The following GRB2 variants were observed in gnomAD, a reference collection of about 807,000 sequenced individuals.
GRB2 encodes growth factor receptor-bound protein 2.
Under a neutral mutation model 27.4 loss-of-function variants are expected in GRB2, and 2 were observed. That is an observed-to-expected ratio of 0.07 (90% confidence interval 0.03 to 0.23). The LOEUF is 0.23. Ranked by LOEUF, GRB2 falls within the 10% of genes least tolerant of loss-of-function variation. The probability of loss-of-function intolerance (pLI) is 1.00; values close to 1 mark genes in which losing one functional copy is unlikely to be tolerated. For synonymous variants in GRB2, 94 were observed against 99.6 expected, an observed-to-expected ratio of 0.94 and a Z score of 0.33; for missense variants, 102 against 282.4, an observed-to-expected ratio of 0.36 and a Z score of 4.58.
chr17:75,387,769 G>A (rs897015181), intron 2 of GRB2: 1 of 151,738 alleles, frequency 6.6e-6, no homozygotes, highest in Admixed American at 6.6e-5. Flanking sequence ...TTGCACTCCA[G>A]CCTGGGCGAC....
chr17:75,379,332 T>C (rs2078913046), intron 2 of GRB2, among the ~76,000 whole-genome samples: 1 of 151,980 alleles, frequency 6.6e-6, no homozygotes, highest in African/African-American at 2.4e-5. Context: ...ATTTATTTTA[T>C]GCTTTTTCTA....
chr17:75,348,713 T>A lies in GRB2; in HGVS notation c.79-15916A>T, dbSNP rs2078669940. Among the ~76,000 whole-genome samples, 3 of 152,280 alleles carry A rather than the reference T, an allele frequency of 2.0e-5. No homozygotes were observed. In the South Asian group the frequency reaches 6.2e-4, roughly 32 times the overall value. ...TTTTAGAGACAGGGTCTTACTCTGT[T>A]ACCCAGGCTAGACAATGCAGTGGCA... On this transcript the variant is annotated intron_variant, in intron 2 of 5. Transcript: ENST00000316804.
chr17:75,324,218 G>A (rs2078480144), intron 4 of GRB2, among the ~76,000 whole-genome samples: 1 of 139,320 alleles, frequency 7.2e-6, no homozygotes, highest in Non-Finnish European at 1.6e-5. Flanking sequence ...TTTGTTTTGG[G>A]AGACACAGTC....
intron 2 of GRB2, chr17:75,371,034 G>C (rs929229266): frequency 1.1e-4 from 16 of 152,314 alleles, no homozygotes; most frequent in African/African-American, 3.9e-4. Context: ...GTGAGGCCAA[G>C]TGTGGTGGCC....
At chr17:75,371,162 A>T (rs1257380785) in intron 2 of GRB2, 1 of 152,174 alleles carries the variant, frequency 6.6e-6, no homozygotes, top group East Asian at 1.9e-4. Context: ...TAAAACATAA[A>T]AATAAAAAAT....
intron 2 of GRB2, among the ~76,000 whole-genome samples, chr17:75,358,898 A>T (rs796884714): frequency 0.094 from 2,651 of 28,140 alleles, 73 homozygotes; most frequent in South Asian, 0.22. Flanking sequence ...AAAAAAAAAA[A>T]TTATATATAT....
intron 4 of GRB2, among the ~76,000 whole-genome samples, chr17:75,323,966 C>G (rs941224438): frequency 4.6e-5 from 7 of 151,928 alleles, no homozygotes; most frequent in African/African-American, 1.7e-4. Context: ...TGTGCCACCA[C>G]GCCTGGCTAA....
chr17:75,337,516 G>T (rs2078585666), intron 2 of GRB2, among the ~76,000 whole-genome samples: 1 of 151,916 alleles, frequency 6.6e-6, no homozygotes, highest in African/African-American at 2.4e-5. Context: ...ATTTGCTGTG[G>T]CTTTAGGTGA....
At chr17:75,393,384 A>G (rs761895868) in intron 2 of GRB2, 167 bp downstream of exon 2, 8 of 647,232 alleles carry the variant, frequency 1.2e-5, no homozygotes, top group Middle Eastern at 3.0e-4. Flanking sequence ...CACTTAAGTC[A>G]TATTTAATAT....
chr17:75,336,481 G>A (rs2078577667), intron 2 of GRB2, among the ~76,000 whole-genome samples: 1 of 152,074 alleles, frequency 6.6e-6, no homozygotes, highest in Admixed American at 6.6e-5. Flanking sequence ...CAATAACTTT[G>A]CAGAAAAAGA....
intron 2 of GRB2, among the ~76,000 whole-genome samples, chr17:75,384,050 C>T (rs2078946911): frequency 6.6e-6 from 1 of 152,142 alleles, no homozygotes; most frequent in Non-Finnish European, 1.5e-5. Flanking sequence ...GCAGGTCTCG[C>T]CTAGAGCCAG....
chr17:75,352,873 TG>T lies in GRB2; in HGVS notation c.79-20077del, dbSNP rs146677261. 6.3e-3 allele frequency among the ~76,000 whole-genome samples: 643 copies of T among 102,418 alleles called. 9 individuals carry two copies. Among genetic ancestry groups the T allele is most frequent in the Middle Eastern group, 9.9e-3 (2 of 202 alleles). 67.2% of individuals were successfully genotyped at this position (102,418 alleles called of 152,430 possible). ...CGTTCTCTGGGAGAAAAAGTTAACT[TG>T]TTTTTTTTTTTTTTTTAAAAGACAT... On this transcript the variant is annotated intron_variant, in intron 2 of 5. Coordinates refer to ENST00000316804, the MANE Select transcript of GRB2 (RefSeq NM_002086.5).
rs1404497482 is a variant in GRB2, at chr17:75,320,214, C to G, written c.*154G>C. On this transcript the variant is annotated 3_prime_UTR_variant, in exon 6 of 6. Transcript: ENST00000316804. The surrounding 1 kb of genome is among the most constrained non-coding windows in gnomAD (Gnocchi z 4.3). The stretch of plus-strand genomic sequence containing the variant: ...TTAAATCCAACGCCCCCTCCCACCC[C>G]CTAAAGTTCCAACCAAAGTGAGAGG... The G allele has an allele frequency of 8.3e-6, 5 of 605,832 alleles. No individual in the cohort carries two copies. The highest frequency in any genetic ancestry group is 1.8e-5 in the African/African-American group (1 of 55,246). 37.5% of individuals were successfully genotyped at this position (605,832 alleles called of 1,614,324 possible).
Position 75,318,334 on chromosome 17 carries a change from G to C in GRB2, c.*2034C>G, listed in dbSNP as rs1406520185. The C allele has an allele frequency of 6.6e-6, 1 of 152,196 alleles. No individual in the cohort carries two copies. Among genetic ancestry groups the C allele is most frequent in the Non-Finnish European group, 1.5e-5 (1 of 68,056 alleles). The allele number at this position is 152,196 out of a possible 1,614,324, so 9.4% of individuals were successfully genotyped here. On this transcript the variant is annotated 3_prime_UTR_variant, in exon 6 of 6. Transcript: ENST00000316804. ...AGAGAAGCAGGATGAGGAAGAGTGA[G>C]GGAAGGCGGGGACAGGCTCTGCCCA...
chr17:75,389,602 T>C (rs1481037531), intron 2 of GRB2, among the ~76,000 whole-genome samples: 1 of 152,154 alleles, frequency 6.6e-6, no homozygotes, highest in East Asian at 1.9e-4. Context: ...ATCCCAGCAC[T>C]TTGGGAGGCC....
At chr17:75,377,152 A>G (rs986586851) in intron 2 of GRB2, among the ~76,000 whole-genome samples, 1 of 151,780 alleles carries the variant, frequency 6.6e-6, no homozygotes, top group Non-Finnish European at 1.5e-5. Context: ...AAAAATATTA[A>G]AAGTTACATT....
chr17:75,384,501 T>A (rs907738254), intron 2 of GRB2, among the ~76,000 whole-genome samples: 1 of 151,950 alleles, frequency 6.6e-6, no homozygotes, highest in African/African-American at 2.4e-5. Flanking sequence ...AAACCCTGTC[T>A]CTACTAAAAA....
intron 2 of GRB2, among the ~76,000 whole-genome samples, chr17:75,390,324 A>G (rs1023571213): frequency 1.3e-5 from 2 of 152,234 alleles, no homozygotes; most frequent in East Asian, 1.9e-4. Flanking sequence ...GTATGTATAC[A>G]TAAGCCCCTA....
At chr17:75,386,873 G>A (rs1280515193) in intron 2 of GRB2, among the ~76,000 whole-genome samples, 1 of 152,158 alleles carries the variant, frequency 6.6e-6, no homozygotes, top group Admixed American at 6.6e-5. Context: ...CCCATAAAAT[G>A]GGGTTAAGAA....
Sources: allele counts gnomAD v4.1 joint callset (sites outside exome capture counted in the v4.1 genomes callset), GRCh38; gene constraint gnomAD v4.1.1; non-coding constraint Gnocchi (gnomAD v3.1); transcripts MANE v1.5; gene names NCBI Gene and HGNC (gene_info 2026-07-23, HGNC 2026-07-21).